Variants in ANKRD36C observed in about 807,000 individuals in gnomAD.
ANKRD36C encodes the protein ankyrin repeat domain-containing protein 36C.
ANKRD36C carries 61 observed loss-of-function variants against 276.4 expected under a neutral mutation model. The ratio of observed to expected loss-of-function variants is 0.22; its 90% CI spans 0.18 to 0.27. ANKRD36C has a LOEUF of 0.27. Among genes scored for constraint, ANKRD36C ranks in the 10% least tolerant of loss-of-function variants. The pLI is 1.00. For missense variants in ANKRD36C, 1,447 were observed against 2,032.3 expected (o/e 0.71, Z 5.54); for synonymous variants, 483 against 680.1 (o/e 0.71, Z 4.51).
intron 36 of ANKRD36C, 122 bp from the exon 39 acceptor site, chr2:95,916,293 T>A: frequency 6.6e-7 from 1 of 1,504,908 alleles, no homozygotes. Context: ...CTTTGATGGC[T>A]TCTACTTTGT....
chr2:95,912,172 C>A (rs566797226), intron 42 of ANKRD36C, 72 bp downstream of exon 44: 17 of 1,527,028 alleles, frequency 1.1e-5, no homozygotes, highest in East Asian at 4.9e-5. Flanking sequence ...ACCAGCCCCC[C>A]ACTGATTTAT....
chr2:95,927,727 T>C (rs1677447269), intron 26 of ANKRD36C, among the ~76,000 whole-genome samples: 1 of 151,676 alleles, frequency 6.6e-6, no homozygotes, highest in African/African-American at 2.4e-5. Context: ...CTCACACACC[T>C]GAGAATCAAT....
rs1308861679 is a variant in ANKRD36C, at chr2:95,852,354, T to A, written c.5149-158A>T. ...CTAGGAGAAGTCATCCCATTACCTG[T>A]TTTTTGTAATTAATTTTAGTGGGAC... On this transcript the variant is annotated intron_variant, in intron 64 of 66. Coordinates refer to ENST00000456556, the Ensembl canonical transcript of ANKRD36C. 8 of 640,860 alleles carry A rather than the reference T, an allele frequency of 1.2e-5. No individual in the cohort carries two copies. In the African/African-American group the frequency reaches 1.5e-4, roughly 12 times the overall value. The allele number at this position is 640,860 out of a possible 1,614,324, so 39.7% of individuals were successfully genotyped here.
rs541074316 is a variant in ANKRD36C at position 95,953,757 on chromosome 2, T to C, written c.1203+182A>G. Among the ~76,000 whole-genome samples, 61 of 152,224 alleles carry C rather than the reference T, an allele frequency of 4.0e-4. 1 individual carries two copies. The highest frequency in any genetic ancestry group is 9.8e-4 in the Admixed American group (15 of 15,266). ...CAAAGTATTTATCAACTATTTCTTA[T>C]TTGCCAAAGTAAAAAAAATTAAAAT... On this transcript the variant is annotated intron_variant, in intron 14 of 66. Coordinates refer to ENST00000456556, the Ensembl canonical transcript of ANKRD36C.
chr2:95,881,460 T>C (rs1273264744), intron 56 of ANKRD36C, among the ~76,000 whole-genome samples: 1 of 151,920 alleles, frequency 6.6e-6, no homozygotes, highest in Admixed American at 6.6e-5. Context: ...TATTTTTGTC[T>C]GTAAAATTAG....
At chr2:95,891,359 C>T (rs1273752153) in intron 46 of ANKRD36C, among the ~76,000 whole-genome samples, 5 of 151,390 alleles carry the variant, frequency 3.3e-5, no homozygotes, top group Non-Finnish European at 7.4e-5. Flanking sequence ...TCCTTCCACC[C>T]TTACTGAAAA....
chr2:95,891,525 G>A (rs928193454), intron 46 of ANKRD36C, 140 bp downstream of exon 66: 12 of 1,202,970 alleles, frequency 1.0e-5, no homozygotes, highest in East Asian at 2.6e-5. Context: ...CATCACCCAA[G>A]AACTTATTTG....
At chr2:95,864,828 G>A (rs773371713) in intron 60 of ANKRD36C, among the ~76,000 whole-genome samples, 24 of 151,930 alleles carry the variant, frequency 1.6e-4, no homozygotes, top group Non-Finnish European at 2.2e-4. Context: ...CTTAGTAACA[G>A]GGTAGTTTGA....
At chr2:95,915,613 T>C (rs994523818) in intron 38 of ANKRD36C, among the ~76,000 whole-genome samples, 2 of 151,462 alleles carry the variant, frequency 1.3e-5, no homozygotes, top group African/African-American at 2.4e-5. Context: ...CACTTTTCTG[T>C]CTGTTTTTAG....
At chr2:95,888,658 T>G (rs1428364791) in intron 48 of ANKRD36C, among the ~76,000 whole-genome samples, 1 of 151,732 alleles carries the variant, frequency 6.6e-6, no homozygotes, top group African/African-American at 2.4e-5. Context: ...TGGATTATGT[T>G]TGCTGAAACC....
chr2:95,890,028 C>T (rs780611000), intron 46 of ANKRD36C, 34 bp from the exon 67 acceptor site: 70 of 1,599,108 alleles, frequency 4.4e-5, no homozygotes, highest in Admixed American at 3.7e-4. Context: ...ATCACTCATA[C>T]GTAAATATGA....
chr2:95,906,559 C>A (rs891969837), intron 42 of ANKRD36C, 72 bp downstream of exon 50: 3 of 210,962 alleles, frequency 1.4e-5, no homozygotes, highest in Non-Finnish European at 2.7e-5. Flanking sequence ...ACCAGCCCCC[C>A]ACTGATTTAT....
chr2:95,865,341 T>G (rs1164134483), intron 60 of ANKRD36C, among the ~76,000 whole-genome samples: 6 of 152,052 alleles, frequency 3.9e-5, no homozygotes, highest in Non-Finnish European at 8.8e-5. Context: ...AGTCTTTATT[T>G]TATTGATAAG....
At chr2:95,914,389 T>G in intron 38 of ANKRD36C, 86 bp from the exon 41 acceptor site, 3 of 1,475,362 alleles carry the variant, frequency 2.0e-6, no homozygotes, top group South Asian at 1.2e-5. Context: ...CATCAACCTC[T>G]GTCTTCCTGC....
rs1389665333 is a variant in ANKRD36C at position 95,928,997 on chromosome 2, A to G, written c.1837+75T>C. 6.3e-6 allele frequency: 10 copies of G among 1,589,730 alleles called. No homozygotes were observed. In the African/African-American group the frequency reaches 9.4e-5, roughly 15 times the overall value. Reference sequence around the variant, plus strand: ...AACATGCAGCTTAGACGAACTCCCCACTGATTTATTTGGGGAAGGGAAGTT... The same window carrying G: ...AACATGCAGCTTAGACGAACTCCCCGCTGATTTATTTGGGGAAGGGAAGTT... On this transcript the variant is annotated intron_variant, in intron 26 of 66. Coordinates refer to ENST00000456556, the Ensembl canonical transcript of ANKRD36C.
chr2:95,871,339 G>A (rs904824386), intron 59 of ANKRD36C, among the ~76,000 whole-genome samples: 104 of 152,042 alleles, frequency 6.8e-4, no homozygotes, highest in Non-Finnish European at 1.2e-3. Flanking sequence ...TCTACAAGCC[G>A]GAAGAGAGTG....
In ANKRD36C at chr2:95,889,363, C is replaced by T. The variant is rs182563095; in HGVS notation, c.2959+436G>A. 1.8e-3 allele frequency among the ~76,000 whole-genome samples: 279 copies of T among 151,708 alleles called. 1 individual carries two copies. Among genetic ancestry groups the T allele is most frequent in the African/African-American group, 6.5e-3 (268 of 41,490 alleles). On this transcript the variant is annotated intron_variant, in intron 48 of 66. Transcript: ENST00000456556. ...CCCTATTCCTTGAGGAAAATAATTGCTACATCACTGCTCTTGTTACTTCTC... is the reference window on the plus strand; with the variant it reads ...CCCTATTCCTTGAGGAAAATAATTGTTACATCACTGCTCTTGTTACTTCTC...
chr2:95,940,513 T>A (rs995499519), intron 20 of ANKRD36C, among the ~76,000 whole-genome samples: 2 of 152,232 alleles, frequency 1.3e-5, no homozygotes, highest in Non-Finnish European at 1.5e-5. Flanking sequence ...AAACTGCCAA[T>A]GTTTTGATAT....
At chr2:95,870,265 A>C (rs1409387953) in intron 59 of ANKRD36C, among the ~76,000 whole-genome samples, 2 of 152,112 alleles carry the variant, frequency 1.3e-5, no homozygotes, top group Admixed American at 1.3e-4. Context: ...AGGCACCCCC[A>C]GGTAGGGGCA....
Sources: allele counts gnomAD v4.1 joint callset (sites outside exome capture counted in the v4.1 genomes callset), GRCh38; gene constraint gnomAD v4.1.1; transcripts MANE v1.5; gene names NCBI Gene and HGNC (gene_info 2026-07-23, HGNC 2026-07-21).